The following SEMA3E variants were observed in gnomAD, a reference collection of about 807,000 sequenced individuals.
The protein encoded by SEMA3E is semaphorin-3E.
In SEMA3E, 49 loss-of-function variants were observed where a neutral mutation model predicts 93.6. The ratio of observed to expected loss-of-function variants is 0.52; its 90% CI spans 0.42 to 0.66. SEMA3E has a LOEUF of 0.66. Among genes scored for constraint, SEMA3E ranks in the 30% least tolerant of loss-of-function variants. The pLI is 0.00. For synonymous variants in SEMA3E, 363 were observed against 330.7 expected, an observed-to-expected ratio of 1.10 and a Z score of -1.06; for missense variants, 906 against 964.8, an observed-to-expected ratio of 0.94 and a Z score of 0.81.
At chr7:83,459,721 A>G (rs1010420677) in intron 4 of SEMA3E, among the ~76,000 whole-genome samples, 3 of 152,126 alleles carry the variant, frequency 2.0e-5, no homozygotes, top group Non-Finnish European at 4.4e-5. Flanking sequence ...ACTTGCACGT[A>G]TTCGCCCAGA....
At chr7:83,562,986 C>CT (rs1307702077) in intron 1 of SEMA3E, among the ~76,000 whole-genome samples, 1 of 152,172 alleles carries the variant, frequency 6.6e-6, no homozygotes, top group Non-Finnish European at 1.5e-5. Context: ...TACCGACTCC[C>CT]TTGTTTACTC....
In SEMA3E at chr7:83,613,207, C is replaced by T. The variant is rs142595361; in HGVS notation, c.115+35221G>A. 6.0e-3 allele frequency among the ~76,000 whole-genome samples: 917 copies of T among 152,104 alleles called. 9 individuals are homozygous for T. Among genetic ancestry groups the T allele is most frequent in the African/African-American group, 0.021 (884 of 41,534 alleles). On this transcript the variant is annotated intron_variant, in intron 1 of 16. Transcript: ENST00000643230. Reference sequence around the variant, plus strand: ...TAGTCCGAAAACAATGGAGACCCTGCCTTTTTGAGTATTCTAATGAATCCA... The same window carrying T: ...TAGTCCGAAAACAATGGAGACCCTGTCTTTTTGAGTATTCTAATGAATCCA...
At chr7:83,596,530 G>T (rs569769104) in intron 1 of SEMA3E, among the ~76,000 whole-genome samples, 33 of 152,102 alleles carry the variant, frequency 2.2e-4, no homozygotes, top group Non-Finnish European at 4.4e-4. Context: ...CAGAATATTT[G>T]CTTTTATAGC....
chr7:83,390,898 C>G (rs1009360938), intron 14 of SEMA3E, among the ~76,000 whole-genome samples: 1 of 152,150 alleles, frequency 6.6e-6, no homozygotes, highest in Admixed American at 6.6e-5. Context: ...CTAAAAGATG[C>G]ACCATATAGA....
chr7:83,523,700 A>G (rs1057456627), intron 1 of SEMA3E, among the ~76,000 whole-genome samples: 1 of 152,108 alleles, frequency 6.6e-6, no homozygotes, highest in African/African-American at 2.4e-5. Flanking sequence ...TATGAGAAAC[A>G]ATAAATATTG....
rs561494756 is a variant in SEMA3E at position 83,589,022 on chromosome 7, G to T, written c.115+59406C>A. On this transcript the variant is annotated intron_variant, in intron 1 of 16. Transcript: ENST00000643230. The stretch of plus-strand genomic sequence containing the variant: ...TCTGGACTGCTCACTAAGCTGAAGC[G>T]CAGGAATTGGAAAGGAGAGCTCTCC... Among the ~76,000 whole-genome samples, 35 of 152,218 alleles carry T rather than the reference G, an allele frequency of 2.3e-4. No homozygotes were observed. In the South Asian group the frequency reaches 6.8e-3, roughly 30 times the overall value.
In SEMA3E at chr7:83,363,986, C is replaced by A. The variant is rs1027323839; in HGVS notation, c.*3600G>T. ...CTCGGCTCACTGCAAGCTCCGCTTC[C>A]CGGGTTCACGCCATTCTCCTGCCTC... is the stretch of plus-strand genomic sequence containing the variant. On this transcript the variant is annotated 3_prime_UTR_variant, in exon 17 of 17. Transcript: ENST00000643230. The A allele has an allele frequency of 2.8e-5, 4 of 142,436 alleles. No homozygotes were observed. Among genetic ancestry groups the A allele is most frequent in the African/African-American group, 1.0e-4 (4 of 39,156 alleles). 8.8% of individuals were successfully genotyped at this position (142,436 alleles called of 1,614,324 possible).
At chr7:83,454,307 T>C (rs1161946556) in intron 4 of SEMA3E, among the ~76,000 whole-genome samples, 1 of 133,356 alleles carries the variant, frequency 7.5e-6, no homozygotes, top group Non-Finnish European at 1.6e-5. Context: ...AATGTGTGTA[T>C]ATATATTTGA....
Position 83,512,088 on chromosome 7 carries a change from A to G in SEMA3E, c.116-21814T>C, listed in dbSNP as rs369127131. Among the ~76,000 whole-genome samples the G allele has an allele frequency of 2.6e-5, 4 of 152,268 alleles. No homozygotes were observed. The South Asian group carries it at 6.2e-4, about 24-fold the overall frequency. ...AAAGAAATAAAAAAATTATCATTTC[A>G]TGAATGCTAAGAATGGTTTTAGGCC... On this transcript the variant is annotated intron_variant, in intron 1 of 16. Coordinates refer to ENST00000643230, the MANE Select transcript of SEMA3E (RefSeq NM_012431.3).
At chr7:83,503,917 G>T (rs1184826548) in intron 1 of SEMA3E, among the ~76,000 whole-genome samples, 1 of 152,130 alleles carries the variant, frequency 6.6e-6, no homozygotes, top group African/African-American at 2.4e-5. Flanking sequence ...ATGTATGGTT[G>T]AAGTGATGTT....
At chr7:83,425,811 A>G (rs1303501981) in intron 4 of SEMA3E, among the ~76,000 whole-genome samples, 1 of 152,162 alleles carries the variant, frequency 6.6e-6, no homozygotes, top group East Asian at 1.9e-4. Flanking sequence ...AACCTGCAGA[A>G]TGGGAGAAAA....
chr7:83,578,663 G>A (rs977823499), intron 1 of SEMA3E, among the ~76,000 whole-genome samples: 1 of 151,758 alleles, frequency 6.6e-6, no homozygotes, highest in Non-Finnish European at 1.5e-5. Flanking sequence ...TAGAAAAACT[G>A]GTTATAAAAA....
intron 5 of SEMA3E, among the ~76,000 whole-genome samples, chr7:83,410,120 A>C (rs1011163523): frequency 6.6e-6 from 1 of 151,842 alleles, no homozygotes; most frequent in African/African-American, 2.4e-5. Context: ...TCTGTTCACA[A>C]AATCCTCTAT....
chr7:83,414,852 A>G (rs1788510585), intron 5 of SEMA3E, among the ~76,000 whole-genome samples: 1 of 152,102 alleles, frequency 6.6e-6, no homozygotes, highest in Non-Finnish European at 1.5e-5. Flanking sequence ...TGGTAGGATT[A>G]AATTATACCT....
chr7:83,505,854 A>C (rs1469791322), intron 1 of SEMA3E, among the ~76,000 whole-genome samples: 1 of 151,486 alleles, frequency 6.6e-6, no homozygotes, highest in Non-Finnish European at 1.5e-5. Context: ...TCTCTATTAA[A>C]AATACAAAAA....
At chr7:83,430,758 T>C (rs1788864246) in intron 4 of SEMA3E, among the ~76,000 whole-genome samples, 1 of 152,090 alleles carries the variant, frequency 6.6e-6, no homozygotes, top group Non-Finnish European at 1.5e-5. Context: ...GACGGACTAT[T>C]AGGTGAAGCA....
intron 4 of SEMA3E, among the ~76,000 whole-genome samples, chr7:83,453,311 T>C (rs373975684): frequency 2.3e-3 from 348 of 152,174 alleles, no homozygotes; most frequent in Non-Finnish European, 4.2e-3. Flanking sequence ...ATTACAGGCA[T>C]GAGCTGGATA....
chr7:83,471,280 G>A (rs1474748602), intron 2 of SEMA3E, among the ~76,000 whole-genome samples: 7 of 149,340 alleles, frequency 4.7e-5, no homozygotes, highest in African/African-American at 1.7e-4. Flanking sequence ...AACATTAGCT[G>A]CTCAATCAAA....
intron 11 of SEMA3E, among the ~76,000 whole-genome samples, chr7:83,397,304 T>C (rs572532719): frequency 2.0e-5 from 3 of 152,118 alleles, no homozygotes; most frequent in Non-Finnish European, 4.4e-5. Context: ...AATCAAAATG[T>C]CTTTTGGAAT....
Sources: allele counts gnomAD v4.1 joint callset (sites outside exome capture counted in the v4.1 genomes callset), GRCh38; gene constraint gnomAD v4.1.1; transcripts MANE v1.5; gene names NCBI Gene and HGNC (gene_info 2026-07-23, HGNC 2026-07-21).